KDSR: variants seen among roughly 807,000 people sequenced by gnomAD.
KDSR encodes 3-dehydrosphinganine reductase.
Under a neutral mutation model 41.3 loss-of-function variants are expected in KDSR, and 23 were observed. The ratio of observed to expected loss-of-function variants is 0.56; its 90% CI spans 0.40 to 0.79. The LOEUF (loss-of-function observed/expected upper bound fraction) is 0.79, where lower values mean the gene tolerates loss of function less well. Among genes scored for constraint, KDSR ranks in the 30% least tolerant of loss-of-function variants. The pLI, the probability that KDSR is intolerant of heterozygous loss-of-function variation, is 0.00. For missense variants in KDSR, 351 were observed against 416.8 expected (o/e 0.84, Z 1.37); for synonymous variants, 138 against 151.7 (o/e 0.91, Z 0.66).
chr18:63,342,163 T>A, intron 7 of KDSR, among the ~76,000 whole-genome samples: 1 of 94,886 alleles, frequency 1.1e-5, no homozygotes, highest in African/African-American at 3.5e-5. Flanking sequence ...AGCAAGACTC[T>A]ATCACAAAAA....
Position 63,337,056 on chromosome 18 carries a change from TTATATATATGTGACTTTATA to T in KDSR, c.778-1718_778-1699del, listed in dbSNP as rs1914180272. On this transcript the variant is annotated intron_variant, in intron 8 of 9. Coordinates refer to ENST00000645214, the MANE Select transcript of KDSR (RefSeq NM_002035.4). The stretch of plus-strand genomic sequence containing the variant: ...TAAATTTTGTTTAAAAAAAGTCACT[TTATATATATGTGACTTTATA>T]TATATATATATGTGACTTTATATAT... Among the ~76,000 whole-genome samples the T allele has an allele frequency of 6.9e-5, 10 of 145,690 alleles. No homozygotes were observed. The South Asian group carries it at 1.9e-3, about 28-fold the overall frequency.
Position 63,329,516 on chromosome 18 carries a change from A to T in KDSR, c.*2266T>A. 1 of 203,266 alleles carries T rather than the reference A, an allele frequency of 4.9e-6. No individual in the cohort carries two copies. Among genetic ancestry groups the T allele is most frequent in the Non-Finnish European group, 1.0e-5 (1 of 98,976 alleles). 12.6% of individuals were successfully genotyped at this position (203,266 alleles called of 1,614,324 possible). On this transcript the variant is annotated 3_prime_UTR_variant, in exon 10 of 10. Coordinates refer to ENST00000645214, the MANE Select transcript of KDSR (RefSeq NM_002035.4). ...TTTGCTAAGGGACTGTAGCCCTTTA[A>T]CATCTCTGACAAGGAAATTTCTTCT...
Position 63,329,779 on chromosome 18 carries a change from TC to T in KDSR, c.*2002del, listed in dbSNP as rs1913920546. 1 of 194,726 alleles carries T rather than the reference TC, an allele frequency of 5.1e-6. No homozygotes were observed. Among genetic ancestry groups the T allele is most frequent in the Admixed American group, 6.1e-5 (1 of 16,452 alleles). 12.1% of individuals were successfully genotyped at this position (194,726 alleles called of 1,614,324 possible). A position where few individuals can be genotyped will look rare whatever the true frequency, so the allele number is the denominator to read the frequency against. On this transcript the variant is annotated 3_prime_UTR_variant, in exon 10 of 10. Transcript: ENST00000645214. ...TTCTTGGACTAGATTCTAATATAGA[TC>T]AGCAGTAGAAGGTGCCAACATTCGA... is the stretch of plus-strand genomic sequence containing the variant.
chr18:63,330,196 T>A lies in KDSR; in HGVS notation c.*1586A>T, dbSNP rs1913937297. 5.0e-6 allele frequency: 1 copy of A among 199,578 alleles called. No individual in the cohort carries two copies. Among genetic ancestry groups the A allele is most frequent in the East Asian group, 7.8e-5 (1 of 12,882 alleles). 12.4% of individuals were successfully genotyped at this position (199,578 alleles called of 1,614,324 possible). On this transcript the variant is annotated 3_prime_UTR_variant, in exon 10 of 10. Coordinates refer to ENST00000645214, the MANE Select transcript of KDSR (RefSeq NM_002035.4). ...GCAAAAAAAAGGTATGCTATAATTT[T>A]TAGGTCTTCAATTTTTGTATAGAGT...
intron 7 of KDSR, among the ~76,000 whole-genome samples, chr18:63,343,737 C>A (rs1273199232): frequency 6.6e-5 from 9 of 136,066 alleles, no homozygotes; most frequent in African/African-American, 2.0e-4. Context: ...TAAATAATTT[C>A]TAAATCTTAA....
In KDSR at chr18:63,355,575, GAAAA is replaced by G; in HGVS notation, c.256-16_256-13del. 6.4e-7 allele frequency: 1 copy of G among 1,555,088 alleles called. No individual in the cohort carries two copies. The highest frequency in any genetic ancestry group is 8.6e-7 in the Non-Finnish European group (1 of 1,158,810). On this transcript the variant is annotated splice_polypyrimidine_tract_variant and intron_variant, in intron 3 of 9. Transcript: ENST00000645214. ...ATGCAAAGCACCACCTGTTAAAAAAGAAAAAAAGTGATCAAAGTTTTGCAGGTAC... is the reference window on the plus strand; with the variant it reads ...ATGCAAAGCACCACCTGTTAAAAAAGAAAGTGATCAAAGTTTTGCAGGTAC...
At position 63,331,246 on chromosome 18, in the gene KDSR, A is replaced by G. The variant is rs1054201065; in HGVS notation, c.*536T>C. 1.9e-4 allele frequency: 44 copies of G among 231,948 alleles called. No homozygotes were observed. The highest frequency in any genetic ancestry group is 9.1e-4 in the African/African-American group (41 of 45,192). The allele number at this position is 231,948 out of a possible 1,614,324, so 14.4% of individuals were successfully genotyped here. On this transcript the variant is annotated 3_prime_UTR_variant, in exon 10 of 10. Transcript: ENST00000645214. ...TGGCAATGGGTCCAACTCATCTTGAATAAAATACACAAAGAAAGAAAGAGA... is the reference window on the plus strand; with the variant it reads ...TGGCAATGGGTCCAACTCATCTTGAGTAAAATACACAAAGAAAGAAAGAGA...
intron 9 of KDSR, among the ~76,000 whole-genome samples, chr18:63,334,253 T>C (rs1408267565): frequency 6.6e-6 from 1 of 152,232 alleles, no homozygotes; most frequent in Non-Finnish European, 1.5e-5. Flanking sequence ...TGTGGTTGAC[T>C]GCACAGAATT....
intron 1 of KDSR, among the ~76,000 whole-genome samples, chr18:63,364,498 C>T (rs1176192809): frequency 6.6e-6 from 1 of 151,520 alleles, no homozygotes; most frequent in African/African-American, 2.4e-5. Flanking sequence ...GGCTGGAGTG[C>T]AGTGGCACGA....
chr18:63,365,641 T>C (rs571019019), intron 1 of KDSR, among the ~76,000 whole-genome samples: 16 of 152,334 alleles, frequency 1.1e-4, no homozygotes, highest in African/African-American at 3.8e-4. Context: ...GTCTTACAAA[T>C]AAGGAATTCC....
intron 3 of KDSR, among the ~76,000 whole-genome samples, chr18:63,356,927 G>A (rs1214895759): frequency 2.0e-5 from 3 of 152,068 alleles, no homozygotes; most frequent in Non-Finnish European, 4.4e-5. Context: ...TATACACAAG[G>A]ATTTTTACTT....
intron 5 of KDSR, among the ~76,000 whole-genome samples, chr18:63,354,925 C>T (rs1212465171): frequency 6.6e-6 from 1 of 152,138 alleles, no homozygotes; most frequent in Admixed American, 6.5e-5. Flanking sequence ...AATATGACCT[C>T]AGTGAACTGC....
At position 63,330,809 on chromosome 18, in the gene KDSR, C is replaced by CTT. The variant is rs774806589; in HGVS notation, c.*971_*972dup. 58 of 198,240 alleles carry CTT rather than the reference C, an allele frequency of 2.9e-4. No homozygotes were observed. Among genetic ancestry groups the CTT allele is most frequent in the Non-Finnish European group, 3.0e-4 (30 of 100,748 alleles). The allele number at this position is 198,240 out of a possible 1,614,324, so 12.3% of individuals were successfully genotyped here. On this transcript the variant is annotated 3_prime_UTR_variant, in exon 10 of 10. Transcript: ENST00000645214. ...AAAATTTTAGCTGGTCTTTTTTTTC[C>CTT]TTTTTTTTTTTTTTTACAAAAATAT... is the stretch of plus-strand genomic sequence containing the variant.
intron 3 of KDSR, among the ~76,000 whole-genome samples, chr18:63,359,103 C>T (rs1393040796): frequency 7.2e-6 from 1 of 139,410 alleles, no homozygotes; most frequent in East Asian, 2.3e-4. Flanking sequence ...TGCTTGAGCC[C>T]AGGAGGTCGA....
rs1913852347 is a variant in KDSR, at chr18:63,327,879, TAA to T, written c.*3901_*3902del. 1.5e-5 allele frequency: 3 copies of T among 198,338 alleles called. No individual in the cohort carries two copies. Among genetic ancestry groups the T allele is most frequent in the Middle Eastern group, 1.7e-3 (1 of 582 alleles). The allele number at this position is 198,338 out of a possible 1,614,324, so 12.3% of individuals were successfully genotyped here. ...AATAGCCATGTGCGCTTTTATCAGT[TAA>T]AAAGTCTTTAGAGTTATCACATCAA... On this transcript the variant is annotated 3_prime_UTR_variant, in exon 10 of 10. Coordinates refer to ENST00000645214, the MANE Select transcript of KDSR (RefSeq NM_002035.4).
At chr18:63,351,848 A>G (rs1399042943) in intron 5 of KDSR, among the ~76,000 whole-genome samples, 2 of 152,144 alleles carry the variant, frequency 1.3e-5, no homozygotes, top group Non-Finnish European at 2.9e-5. Context: ...CAATGGTGCA[A>G]CCTTGGCTTA....
intron 6 of KDSR, among the ~76,000 whole-genome samples, chr18:63,347,836 G>A (rs1226518492): frequency 4.6e-5 from 7 of 151,236 alleles, no homozygotes; most frequent in African/African-American, 1.7e-4. Context: ...CTTCCTAAAA[G>A]ACTGAGTAAA....
chr18:63,332,326 A>G (rs1039254356), intron 9 of KDSR, among the ~76,000 whole-genome samples: 4 of 152,136 alleles, frequency 2.6e-5, no homozygotes, highest in African/African-American at 7.2e-5. Flanking sequence ...CCTGCCCTCA[A>G]TGAGCTTATT....
At position 63,351,214 on chromosome 18, in the gene KDSR, A is replaced by T. The variant is rs1256673671; in HGVS notation, c.418-135T>A. On this transcript the variant is annotated intron_variant, in intron 5 of 9. Transcript: ENST00000645214. ...GGAAGCCCAACAGGCTTGCTGAATG[A>T]ATGAATGATGACATGATGATATAAA... 12 of 628,858 alleles carry T rather than the reference A, an allele frequency of 1.9e-5. No individual in the cohort carries two copies. In the Admixed American group the frequency reaches 2.9e-4, roughly 15 times the overall value. 39.0% of individuals were successfully genotyped at this position (628,858 alleles called of 1,614,324 possible). A position where few individuals can be genotyped will look rare whatever the true frequency, so the allele number is the denominator to read the frequency against.
Sources: allele counts gnomAD v4.1 joint callset (sites outside exome capture counted in the v4.1 genomes callset), GRCh38; gene constraint gnomAD v4.1.1; transcripts MANE v1.5; gene names NCBI Gene and HGNC (gene_info 2026-07-23, HGNC 2026-07-21).